PGBD5: variants seen among roughly 807,000 people sequenced by gnomAD.
PGBD5 encodes the protein piggyBac transposable element derived 5.
In PGBD5, 14 loss-of-function variants were observed where a neutral mutation model predicts 47.9. The ratio of observed to expected loss-of-function variants is 0.29; its 90% CI spans 0.19 to 0.46. The LOEUF (loss-of-function observed/expected upper bound fraction) is 0.46. PGBD5 is among the 20% of genes least tolerant of loss of function. PGBD5 has a pLI of 1.00. For missense variants in PGBD5, 635 were observed against 716.0 expected, an observed-to-expected ratio of 0.89 and a Z score of 1.29; for synonymous variants, 316 against 306.3, an observed-to-expected ratio of 1.03 and a Z score of -0.33.
chr1:230,349,420 A>C (rs1667526912), intron 3 of PGBD5, among the ~76,000 whole-genome samples: 1 of 151,638 alleles, frequency 6.6e-6, no homozygotes, highest in South Asian at 2.1e-4. Flanking sequence ...CCATGATCCC[A>C]GCTACTTGAG....
chr1:230,401,503 G>A (rs543708581), intron 1 of PGBD5, among the ~76,000 whole-genome samples: 12 of 152,258 alleles, frequency 7.9e-5, no homozygotes, highest in African/African-American at 2.4e-4. Context: ...TCCGAGAAAC[G>A]ACCCTTGAGC....
At chr1:230,406,690 A>G (rs1657304510) in intron 1 of PGBD5, among the ~76,000 whole-genome samples, 1 of 152,184 alleles carries the variant, frequency 6.6e-6, no homozygotes, top group African/African-American at 2.4e-5. Context: ...GTGTAATTTT[A>G]TTGTCATTTA....
At chr1:230,329,138 A>AT (rs1667172185) in intron 5 of PGBD5, among the ~76,000 whole-genome samples, 2 of 149,226 alleles carry the variant, frequency 1.3e-5, no homozygotes, top group Admixed American at 1.3e-4. Flanking sequence ...GGGAGGTGGT[A>AT]TTTTTTGCAT....
At chr1:230,392,185 T>A (rs1471620727) in intron 1 of PGBD5, among the ~76,000 whole-genome samples, 2 of 152,226 alleles carry the variant, frequency 1.3e-5, no homozygotes, top group African/African-American at 4.8e-5. Context: ...ATAACCTCAG[T>A]GCTTCCTGGC....
chr1:230,387,061 C>T (rs1656659718), intron 1 of PGBD5, among the ~76,000 whole-genome samples: 1 of 152,130 alleles, frequency 6.6e-6, no homozygotes, highest in Non-Finnish European at 1.5e-5. Context: ...ATTCCCATTT[C>T]CTTCTATTTT....
At chr1:230,403,286 A>T (rs1657188729) in intron 1 of PGBD5, among the ~76,000 whole-genome samples, 1 of 152,236 alleles carries the variant, frequency 6.6e-6, no homozygotes, top group Admixed American at 6.5e-5. Flanking sequence ...AAATAAAATA[A>T]TTTAAGTGGA....
chr1:230,363,523 A>G (rs569336224), intron 1 of PGBD5, among the ~76,000 whole-genome samples: 27 of 152,160 alleles, frequency 1.8e-4, no homozygotes, highest in Admixed American at 1.3e-3. Flanking sequence ...CGGAGGCTGC[A>G]GTGAGCCAAG....
chr1:230,393,702 G>C (rs1656848218), intron 1 of PGBD5, among the ~76,000 whole-genome samples: 1 of 152,056 alleles, frequency 6.6e-6, no homozygotes, highest in African/African-American at 2.4e-5. Context: ...GCGGGCGCCT[G>C]TAGTCCCAGC....
chr1:230,415,319 C>T (rs1254044071), intron 1 of PGBD5, among the ~76,000 whole-genome samples: 1 of 151,954 alleles, frequency 6.6e-6, no homozygotes, highest in Non-Finnish European at 1.5e-5. Flanking sequence ...CCACTAACCA[C>T]TCTGGGTGAT....
chr1:230,359,072 C>CTTT (rs543587301), intron 1 of PGBD5, among the ~76,000 whole-genome samples: 4 of 146,698 alleles, frequency 2.7e-5, no homozygotes, highest in African/African-American at 7.5e-5. Context: ...TTTTTCTTTT[C>CTTT]TTTTTTTTTT....
intron 1 of PGBD5, among the ~76,000 whole-genome samples, chr1:230,361,309 GA>G (rs2102709341): frequency 6.6e-6 from 1 of 152,328 alleles, no homozygotes; most frequent in Non-Finnish European, 1.5e-5. Context: ...AGGCAGAATG[GA>G]ATTGGGAAGG....
chr1:230,359,060 G>A (rs2102707540), intron 1 of PGBD5, among the ~76,000 whole-genome samples: 1 of 151,882 alleles, frequency 6.6e-6, no homozygotes, highest in East Asian at 1.9e-4. Context: ...TCTGTATATT[G>A]ATTTTTCTTT....
intron 1 of PGBD5, among the ~76,000 whole-genome samples, chr1:230,422,573 T>C (rs767352406): frequency 1.3e-4 from 20 of 152,152 alleles, no homozygotes; most frequent in Non-Finnish European, 8.8e-5. Context: ...CCGACAAGCA[T>C]AGCGTGTGCA....
intron 1 of PGBD5, among the ~76,000 whole-genome samples, chr1:230,418,086 G>C (rs1657557250): frequency 6.6e-6 from 1 of 152,182 alleles, no homozygotes; most frequent in African/African-American, 2.4e-5. Flanking sequence ...GCAGTGCTCA[G>C]GACAGCCCCC....
intron 4 of PGBD5, among the ~76,000 whole-genome samples, chr1:230,335,745 A>G (rs370165317): frequency 4.6e-5 from 7 of 150,646 alleles, no homozygotes; most frequent in African/African-American, 1.2e-4. Context: ...ACTTACACAA[A>G]GACACACACA....
chr1:230,397,780 T>C (rs1355240747), intron 1 of PGBD5, among the ~76,000 whole-genome samples: 2 of 152,166 alleles, frequency 1.3e-5, no homozygotes, highest in Non-Finnish European at 2.9e-5. Context: ...GGCTCAGAGC[T>C]TCTGAATTGG....
At chr1:230,412,134 A>G (rs1657422660) in intron 1 of PGBD5, among the ~76,000 whole-genome samples, 1 of 152,156 alleles carries the variant, frequency 6.6e-6, no homozygotes, top group East Asian at 1.9e-4. Context: ...AAAAGGGAAA[A>G]GGGTCAGAAA....
intron 1 of PGBD5, among the ~76,000 whole-genome samples, chr1:230,399,788 G>A (rs890298189): frequency 5.3e-5 from 8 of 152,154 alleles, no homozygotes; most frequent in Non-Finnish European, 8.8e-5. Context: ...CCACGTTGCC[G>A]CAGATCCTTC....
intron 5 of PGBD5, among the ~76,000 whole-genome samples, chr1:230,330,257 A>C (rs1667192218): frequency 6.6e-6 from 1 of 152,210 alleles, no homozygotes; most frequent in South Asian, 2.1e-4. Context: ...GTAAAGCTGG[A>C]GGCATCTGTG....
Sources: gnomAD v4.1 joint callset for allele counts (sites outside exome capture counted in the v4.1 genomes callset) on GRCh38, gnomAD v4.1.1 for gene constraint, MANE v1.5 for transcripts, NCBI Gene and HGNC (gene_info 2026-07-23, HGNC 2026-07-21) for gene names.